ADAM10: variants seen among roughly 807,000 people sequenced by gnomAD.
The protein encoded by ADAM10 is ADAM metallopeptidase domain 10, also known as disintegrin and metalloproteinase domain-containing protein 10.
Under a neutral mutation model 90.1 loss-of-function variants are expected in ADAM10, and 17 were observed. The observed-to-expected ratio is 0.19, with a 90% CI of 0.13 to 0.28. The LOEUF (loss-of-function observed/expected upper bound fraction) is 0.28. Among genes scored for constraint, ADAM10 ranks in the 10% least tolerant of loss-of-function variants. The pLI is 1.00. For synonymous variants in ADAM10, 310 were observed against 298.6 expected, an observed-to-expected ratio of 1.04 and a Z score of -0.40; for missense variants, 610 against 914.3, an observed-to-expected ratio of 0.67 and a Z score of 4.29.
intron 1 of ADAM10, among the ~76,000 whole-genome samples, chr15:58,744,398 AC>A (rs1405445226): frequency 2.0e-5 from 3 of 152,252 alleles, no homozygotes; most frequent in African/African-American, 7.2e-5. Flanking sequence ...CATACTAGAA[AC>A]AACCAATTAG....
At chr15:58,657,017 C>G (rs761533927) in intron 5 of ADAM10, among the ~76,000 whole-genome samples, 10 of 152,204 alleles carry the variant, frequency 6.6e-5, no homozygotes, top group Non-Finnish European at 1.3e-4. Context: ...TGTCATGCCA[C>G]TCTCTCCTGG....
At chr15:58,634,938 G>A (rs1166338625) in intron 8 of ADAM10, among the ~76,000 whole-genome samples, 1 of 152,034 alleles carries the variant, frequency 6.6e-6, no homozygotes. Context: ...AGGTCTGCAA[G>A]AACAGCATTA....
intron 1 of ADAM10, among the ~76,000 whole-genome samples, chr15:58,722,807 C>T (rs1398920918): frequency 6.8e-6 from 1 of 146,386 alleles, no homozygotes; most frequent in African/African-American, 2.5e-5. Context: ...TCAAGGCTCA[C>T]TGTAGCCTTG....
At chr15:58,749,097 G>C in intron 1 of ADAM10, 4 of 398,304 alleles carry the variant, frequency 1.0e-5, no homozygotes, top group East Asian at 7.1e-5. Flanking sequence ...CGCCAGCCTC[G>C]CTGCGGCTGC....
intron 2 of ADAM10, among the ~76,000 whole-genome samples, chr15:58,703,466 G>T (rs1898188830): frequency 6.6e-6 from 1 of 151,940 alleles, no homozygotes; most frequent in African/African-American, 2.4e-5. Flanking sequence ...AGATGAATAG[G>T]TTTTTTTAAA....
At chr15:58,597,916 CTTTT>C (rs1288279624) in intron 15 of ADAM10, among the ~76,000 whole-genome samples, 7 of 151,870 alleles carry the variant, frequency 4.6e-5, no homozygotes, top group African/African-American at 1.7e-4. Flanking sequence ...CAAAATATTT[CTTTT>C]TTTATACTAA....
chr15:58,727,482 C>T lies in ADAM10; in HGVS notation c.56-9755G>A, dbSNP rs192281286. Reference sequence around the variant, plus strand: ...CTGGGATTACAGGTGTGAGCCACCGCGCCCAGCCTGGCTAATCTTTCTTAT... The same window carrying T: ...CTGGGATTACAGGTGTGAGCCACCGTGCCCAGCCTGGCTAATCTTTCTTAT... On this transcript the variant is annotated intron_variant, in intron 1 of 15. Coordinates refer to ENST00000260408, the MANE Select transcript of ADAM10 (RefSeq NM_001110.4). Among the ~76,000 whole-genome samples, 753 of 152,104 alleles carry T rather than the reference C, an allele frequency of 5.0e-3. 7 individuals carry two copies. Among genetic ancestry groups the T allele is most frequent in the African/African-American group, 0.017 (720 of 41,504 alleles).
chr15:58,681,735 T>A lies in ADAM10; in HGVS notation c.325+461A>T, dbSNP rs992203266. ...TGCAGCAAGAGAAATTTGTTAGAAT[T>A]GTGAATAAAGCAAATAGATTCTGAG... On this transcript the variant is annotated intron_variant, in intron 3 of 15. Coordinates refer to ENST00000260408, the MANE Select transcript of ADAM10 (RefSeq NM_001110.4). Among the ~76,000 whole-genome samples, 6 of 152,328 alleles carry A rather than the reference T, an allele frequency of 3.9e-5. No homozygotes were observed. The South Asian group carries it at 1.0e-3, about 26-fold the overall frequency.
At position 58,717,670 on chromosome 15, in the gene ADAM10, T is replaced by C. The variant is rs1898707729; in HGVS notation, c.113A>G (p.Asn38Ser). ...GTGTTTTTGGTGTAATGAATCCACA[T>C]TGTAAGATAATCCTTCATAATGTCT... ...YIRHYEGLSY[N>S]VDSLHQKHQR... Residue 38 changes from asparagine to serine, a missense_variant, in exon 2 of 16, where the codon AAT becomes AGT. By Grantham distance (46) the Asn-to-Ser change is conservative. Around this residue, in one of 4 missense-constraint regions of ADAM10, gnomAD observed 310 missense variants for 362.4 expected, o/e 0.86. Coordinates refer to ENST00000260408, the MANE Select transcript of ADAM10 (RefSeq NM_001110.4). 1 of 1,613,814 alleles carries C rather than the reference T, an allele frequency of 6.2e-7. No homozygotes were observed. Among genetic ancestry groups the C allele is most frequent in the East Asian group, 2.2e-5 (1 of 44,816 alleles).
chr15:58,714,295 A>ACG lies in ADAM10; in HGVS notation c.206+3281_206+3282insCG, dbSNP rs764312190. On this transcript the variant is annotated intron_variant, in intron 2 of 15. Coordinates refer to ENST00000260408, the MANE Select transcript of ADAM10 (RefSeq NM_001110.4). Reference sequence around the variant, plus strand: ...CTTTAATACTTATACATACACATACACACACACACACACACACACACACAC... The same window carrying ACG: ...CTTTAATACTTATACATACACATACACGCACACACACACACACACACACACAC... 5.9e-4 allele frequency among the ~76,000 whole-genome samples: 72 copies of ACG among 122,528 alleles called. 2 individuals are homozygous for ACG. In the South Asian group the frequency reaches 0.018, roughly 31 times the overall value. The allele number at this position is 122,528 out of a possible 152,430, so 80.4% of individuals were successfully genotyped here.
chr15:58,619,399 T>G (rs138697932), intron 11 of ADAM10, among the ~76,000 whole-genome samples: 1 of 152,154 alleles, frequency 6.6e-6, no homozygotes, highest in South Asian at 2.1e-4. Flanking sequence ...TGAGCTCTAG[T>G]GTTTGATAGC....
chr15:58,702,169 T>C (rs1405835135), intron 2 of ADAM10, among the ~76,000 whole-genome samples: 1 of 152,116 alleles, frequency 6.6e-6, no homozygotes, highest in Non-Finnish European at 1.5e-5. Flanking sequence ...CTAGAGGTCA[T>C]TATGTTGAGT....
intron 5 of ADAM10, among the ~76,000 whole-genome samples, chr15:58,660,421 T>C (rs2140722018): frequency 6.6e-6 from 1 of 150,644 alleles, no homozygotes; most frequent in Non-Finnish European, 1.5e-5. Flanking sequence ...CATTTGGTCT[T>C]TTTTTTTTAA....
At chr15:58,729,701 C>T (rs1360559211) in intron 1 of ADAM10, among the ~76,000 whole-genome samples, 1 of 152,146 alleles carries the variant, frequency 6.6e-6, no homozygotes, top group Non-Finnish European at 1.5e-5. Context: ...CAGGGGCTCA[C>T]GCTTGTAATC....
chr15:58,606,653 T>C lies in ADAM10; in HGVS notation c.2025+3644A>G, dbSNP rs1895283225. Among the ~76,000 whole-genome samples the C allele has an allele frequency of 1.3e-5, 2 of 152,240 alleles. 1 individual carries two copies. The highest frequency in any genetic ancestry group is 1.3e-4 in the Admixed American group (2 of 15,284). On this transcript the variant is annotated intron_variant, in intron 14 of 15. Transcript: ENST00000260408. Reference sequence around the variant, plus strand: ...TCAAGATGATAAAATGGAAAATTTCTGTTACAAGTCTTTTTAAAAAGGAGT... The same window carrying C: ...TCAAGATGATAAAATGGAAAATTTCCGTTACAAGTCTTTTTAAAAAGGAGT...
chr15:58,748,304 C>T (rs1262755504), intron 1 of ADAM10: 2 of 152,214 alleles, frequency 1.3e-5, no homozygotes, highest in South Asian at 2.1e-4. Context: ...CAATACATTA[C>T]ATGAAATAGA....
chr15:58,729,178 C>A (rs564916659), intron 1 of ADAM10, among the ~76,000 whole-genome samples: 1 of 151,938 alleles, frequency 6.6e-6, no homozygotes, highest in Admixed American at 6.6e-5. Context: ...GGCAACATAG[C>A]GAGACCCTGT....
rs1894908878 is a variant in ADAM10, at chr15:58,594,837, A to G, written c.*2710T>C. ...ATACATTTGATGCTCCTAAATTAAC[A>G]AAGTAATTCACAAAGTATTACATAT... On this transcript the variant is annotated 3_prime_UTR_variant, in exon 16 of 16. Transcript: ENST00000260408. 1.3e-5 allele frequency: 2 copies of G among 152,224 alleles called. No homozygotes were observed. The highest frequency in any genetic ancestry group is 2.1e-4 in the South Asian group (1 of 4,834). The allele number at this position is 152,224 out of a possible 1,614,324, so 9.4% of individuals were successfully genotyped here.
intron 5 of ADAM10, among the ~76,000 whole-genome samples, chr15:58,655,696 GTA>G (rs1245391987): frequency 0.23 from 15,506 of 68,090 alleles, 2,676 homozygotes; most frequent in East Asian, 0.65. Context: ...ATTATATATA[GTA>G]TATATATATA....
Sources: gnomAD v4.1 joint callset for allele counts (sites outside exome capture counted in the v4.1 genomes callset) on GRCh38, gnomAD v4.1.1 for gene constraint, gnomAD v4.1.1 regional missense constraint, MANE v1.5 for transcripts, NCBI Gene and HGNC (gene_info 2026-07-23, HGNC 2026-07-21) for gene names.